HECW2: variants seen among roughly 807,000 people sequenced by gnomAD.
The protein encoded by HECW2 is E3 ubiquitin-protein ligase HECW2.
Under a neutral mutation model 175.2 loss-of-function variants are expected in HECW2, and 61 were observed. The observed-to-expected ratio is 0.35, with a 90% CI of 0.28 to 0.43. The LOEUF (loss-of-function observed/expected upper bound fraction) is 0.43. Among genes scored for constraint, HECW2 ranks in the 20% least tolerant of loss-of-function variants. The pLI is 1.00. For synonymous variants in HECW2, 671 were observed against 731.0 expected, an observed-to-expected ratio of 0.92 and a Z score of 1.32; for missense variants, 1,524 against 2,000.5, an observed-to-expected ratio of 0.76 and a Z score of 4.54.
At chr2:196,207,345 T>C (rs927481903) in intron 28 of HECW2, among the ~76,000 whole-genome samples, 3 of 152,248 alleles carry the variant, frequency 2.0e-5, no homozygotes, top group Non-Finnish European at 4.4e-5. Context: ...AATCCAGTTA[T>C]AGTTTTGTTA....
At chr2:196,591,407 T>G (rs1022402624) in intron 1 of HECW2, among the ~76,000 whole-genome samples, 3 of 152,220 alleles carry the variant, frequency 2.0e-5, no homozygotes, top group Non-Finnish European at 4.4e-5. Context: ...GCAACTGATT[T>G]TCCCCCAGAA....
At chr2:196,289,271 T>C (rs1470997418) in intron 14 of HECW2, 3 of 150,424 alleles carry the variant, frequency 2.0e-5, no homozygotes, top group South Asian at 2.1e-4. Flanking sequence ...TCCTGTTTCA[T>C]ATCAACTCTA....
intron 2 of HECW2, among the ~76,000 whole-genome samples, chr2:196,355,051 T>C (rs532940149): frequency 6.6e-6 from 1 of 152,346 alleles, no homozygotes; most frequent in South Asian, 2.1e-4. Context: ...AATGGAAAAT[T>C]ACTAAAGGCT....
intron 1 of HECW2, among the ~76,000 whole-genome samples, chr2:196,527,809 T>C (rs1458248234): frequency 3.3e-5 from 5 of 152,184 alleles, no homozygotes; most frequent in African/African-American, 4.8e-5. Flanking sequence ...AGGAGTCCAC[T>C]TGAAATTTTT....
At chr2:196,202,767 T>C (rs193079641) in intron 28 of HECW2, among the ~76,000 whole-genome samples, 29 of 152,316 alleles carry the variant, frequency 1.9e-4, no homozygotes, top group Admixed American at 1.8e-3. Flanking sequence ...GGATCTGTTA[T>C]ATTGTAAGAA....
chr2:196,404,060 T>C (rs1200268253), intron 2 of HECW2, among the ~76,000 whole-genome samples: 1 of 152,214 alleles, frequency 6.6e-6, no homozygotes, highest in Non-Finnish European at 1.5e-5. Flanking sequence ...GCTAACCATG[T>C]TATACTACAT....
chr2:196,347,318 C>T (rs1401414290), intron 2 of HECW2, among the ~76,000 whole-genome samples: 1 of 151,836 alleles, frequency 6.6e-6, no homozygotes, highest in African/African-American at 2.4e-5. Flanking sequence ...CTTTGGCCTC[C>T]CAAAATGCTA....
intron 2 of HECW2, among the ~76,000 whole-genome samples, chr2:196,397,655 T>A (rs1694708274): frequency 6.6e-6 from 1 of 152,242 alleles, no homozygotes; most frequent in South Asian, 2.1e-4. Flanking sequence ...CCAGACAGCA[T>A]CATTAGTTGA....
intron 2 of HECW2, among the ~76,000 whole-genome samples, chr2:196,352,363 G>A (rs969705562): frequency 9.9e-5 from 15 of 152,052 alleles, no homozygotes; most frequent in Admixed American, 2.0e-4. Flanking sequence ...AAAACAACAC[G>A]GGCTTAGAAG....
chr2:196,419,077 G>A (rs1695336284), intron 2 of HECW2, among the ~76,000 whole-genome samples: 1 of 152,180 alleles, frequency 6.6e-6, no homozygotes, highest in Non-Finnish European at 1.5e-5. Flanking sequence ...AGCTGGGTAA[G>A]GTGCTCAGCC....
chr2:196,430,367 A>C (rs2125265091), intron 2 of HECW2, among the ~76,000 whole-genome samples: 1 of 152,310 alleles, frequency 6.6e-6, no homozygotes, highest in East Asian at 1.9e-4. Flanking sequence ...CTTAATATCC[A>C]GTGTAAAATC....
intron 1 of HECW2, among the ~76,000 whole-genome samples, chr2:196,504,422 G>C (rs966091408): frequency 6.6e-6 from 1 of 152,014 alleles, no homozygotes; most frequent in Non-Finnish European, 1.5e-5. Context: ...TCACCTGCAG[G>C]ATGATCCTAC....
intron 7 of HECW2, among the ~76,000 whole-genome samples, chr2:196,320,979 A>T (rs573831260): frequency 6.6e-6 from 1 of 152,354 alleles, no homozygotes; most frequent in East Asian, 1.9e-4. Context: ...AAGCACAAGA[A>T]CACAAGAATG....
intron 17 of HECW2, chr2:196,258,128 G>C: frequency 1.9e-6 from 1 of 519,198 alleles, no homozygotes; most frequent in Non-Finnish European, 3.4e-6. Context: ...TAATGTTGTG[G>C]GGAGAAAGAT....
Position 196,317,455 on chromosome 2 carries a change from C to G in HECW2, c.2339-86G>C, listed in dbSNP as rs1691741920. On this transcript the variant is annotated intron_variant, in intron 9 of 28. Transcript: ENST00000644978. The stretch of plus-strand genomic sequence containing the variant: ...CTATACAAAAAACCTAACATAATTC[C>G]CAAGGCTAGTTTCTTTTCTCTGTTT... 6 of 944,942 alleles carry G rather than the reference C, an allele frequency of 6.3e-6. No individual in the cohort carries two copies. In the South Asian group the frequency reaches 8.5e-5, roughly 13 times the overall value. The allele number at this position is 944,942 out of a possible 1,614,324, so 58.5% of individuals were successfully genotyped here. A position where few individuals can be genotyped will look rare whatever the true frequency, so the allele number is the denominator to read the frequency against.
chr2:196,225,063 C>T (rs913851165), intron 23 of HECW2, among the ~76,000 whole-genome samples: 6 of 152,218 alleles, frequency 3.9e-5, no homozygotes, highest in Non-Finnish European at 8.8e-5. Flanking sequence ...TCAGTGCATT[C>T]TCATCGCAAA....
intron 1 of HECW2, among the ~76,000 whole-genome samples, chr2:196,531,232 G>A (rs1249815954): frequency 1.3e-5 from 2 of 152,146 alleles, no homozygotes; most frequent in African/African-American, 2.4e-5. Flanking sequence ...TATCACCCTG[G>A]TTTGCTGACT....
chr2:196,533,478 G>T (rs1017640254), intron 1 of HECW2, among the ~76,000 whole-genome samples: 7 of 151,924 alleles, frequency 4.6e-5, no homozygotes, highest in Non-Finnish European at 8.8e-5. Context: ...TGTGTGTGTG[G>T]GGGGGTATCT....
intron 1 of HECW2, among the ~76,000 whole-genome samples, chr2:196,464,850 G>A (rs1413507290): frequency 6.6e-6 from 1 of 152,128 alleles, no homozygotes; most frequent in Non-Finnish European, 1.5e-5. Context: ...GACCAGCCTG[G>A]CCTAACACAG....
Sources: gnomAD v4.1 joint callset for allele counts (sites outside exome capture counted in the v4.1 genomes callset) on GRCh38, gnomAD v4.1.1 for gene constraint, MANE v1.5 for transcripts, NCBI Gene and HGNC (gene_info 2026-07-23, HGNC 2026-07-21) for gene names.